The following PARP3 variants were observed in gnomAD, a reference collection of about 807,000 sequenced individuals.
PARP3 encodes poly(ADP-ribose) polymerase family member 3, also known as protein mono-ADP-ribosyltransferase PARP3.
Under a neutral mutation model 58.2 loss-of-function variants are expected in PARP3, and 46 were observed. The observed-to-expected ratio is 0.79, with a 90% CI of 0.62 to 1.01. The LOEUF (loss-of-function observed/expected upper bound fraction) is 1.01. Among genes scored for constraint, PARP3 ranks in the 50% least tolerant of loss-of-function variants. The pLI is 0.00. For synonymous variants in PARP3, 252 were observed against 266.4 expected (o/e 0.95, Z 0.53); for missense variants, 663 against 683.9 (o/e 0.97, Z 0.34).
rs770580933 is a variant in PARP3, at chr3:51,945,159, G to A, written c.796G>A (p.Gly266Ser). The A allele has an allele frequency of 2.0e-5, 32 of 1,613,902 alleles. No individual in the cohort carries two copies. The highest frequency in any genetic ancestry group is 9.9e-5 in the South Asian group (9 of 91,092). Residue 266 changes from glycine (G) to serine (S), a missense_variant, in exon 6 of 11, where the codon GGC (glycine) becomes AGC (serine). This residue lies in a region of PARP3 where 567 missense variants were observed against 553.6 expected (regional missense o/e 1.02). Transcript: ENST00000398755. ...HFYTVIPHNF[G>S]HSQPPPINSP... ...TTACACCGTCATCCCGCACAACTTC[G>A]GCCACAGCCAGCCCCCGCCCATCAA...
Position 51,944,205 on chromosome 3 carries a change from C to G in PARP3, c.300C>G (p.Arg100=), listed in dbSNP as rs1699615106. 6.2e-7 allele frequency: 1 copy of G among 1,614,082 alleles called. No homozygotes were observed. Among genetic ancestry groups the G allele is most frequent in the Non-Finnish European group, 8.5e-7 (1 of 1,180,022 alleles). The change falls in exon 3 of 11, where the codon CGC becomes CGG. Residue 100 remains arginine (R), a synonymous_variant. Transcript: ENST00000398755. The surrounding 1 kb of genome is among the most constrained non-coding windows in gnomAD (Gnocchi z 4.2). ...DSNRFFTCWN[R]WGRVGEVGQS... is the part of the protein sequence containing the mutation. ...ACCGCTTCTTCACCTGCTGGAACCG[C>G]TGGGGCCGTGTGGTGAGTGCCCTGC...
chr3:51,943,032 C>T, intron 1 of PARP3: 1 of 1,399,600 alleles, frequency 7.1e-7, no homozygotes, highest in Non-Finnish European at 9.3e-7. Context: ...TTTCCCTACC[C>T]CTCAGGACAC....
intron 7 of PARP3, 56 bp from the exon 8 acceptor site, chr3:51,945,797 G>T: frequency 1.3e-6 from 2 of 1,548,850 alleles, no homozygotes; most frequent in Non-Finnish European, 1.8e-6. Context: ...GAAGAAAAAT[G>T]GGGGATTAGC....
chr3:51,942,755 G>T lies in PARP3; in HGVS notation c.-3+47G>T, dbSNP rs1391228055. Reference sequence around the variant, plus strand: ...CCACGGCAGGGCAGGGCAAGGCCTGGTGGGACTGGCCTTTGCCCTCTATCA... The same window carrying T: ...CCACGGCAGGGCAGGGCAAGGCCTGTTGGGACTGGCCTTTGCCCTCTATCA... On this transcript the variant is annotated intron_variant, in intron 1 of 10. Coordinates refer to ENST00000398755, the MANE Select transcript of PARP3 (RefSeq NM_001003931.4). 6 of 1,550,876 alleles carry T rather than the reference G, an allele frequency of 3.9e-6. No homozygotes were observed. The African/African-American group carries it at 6.8e-5, about 18-fold the overall frequency.
At position 51,948,847 on chromosome 3, in the gene PARP3, C is replaced by A; in HGVS notation, c.*367C>A. The A allele has an allele frequency of 3.6e-6, 1 of 280,404 alleles. No individual in the cohort carries two copies. The highest frequency in any genetic ancestry group is 6.7e-6 in the Non-Finnish European group (1 of 148,568). 17.4% of individuals were successfully genotyped at this position (280,404 alleles called of 1,614,324 possible). A position where few individuals can be genotyped will look rare whatever the true frequency, so the allele number is the denominator to read the frequency against. On this transcript the variant is annotated 3_prime_UTR_variant, in exon 11 of 11. Coordinates refer to ENST00000398755, the MANE Select transcript of PARP3 (RefSeq NM_001003931.4). ...GGTTCACCCATGTTTTCATAAATGA[C>A]AAGATTTCCTCCTTTTTTAAGGCTG... is the stretch of plus-strand genomic sequence containing the variant.
intron 10 of PARP3, among the ~76,000 whole-genome samples, 175 bp from the exon 11 acceptor site, chr3:51,948,136 C>T (rs369179986): frequency 3.3e-5 from 5 of 152,178 alleles, no homozygotes; most frequent in South Asian, 2.1e-4. Context: ...AGAGAGAAGT[C>T]GGGGAGGACA....
In PARP3 at chr3:51,947,750, G is replaced by A. The variant is rs368727238; in HGVS notation, c.1287G>A (p.Met429Ile). The stretch of plus-strand genomic sequence containing the variant: ...CCCTGTGTCTTGCAGTTATTGGCAT[G>A]AAGTGTGGGGCCCACCATGTCGGCT... The part of the protein sequence containing the change: ...NSKSAGYVIG[M>I]KCGAHHVGYM... Residue 429 changes from methionine (M) to isoleucine (I), a missense_variant, in exon 10 of 11, where the codon ATG becomes ATA. Coordinates refer to ENST00000398755, the MANE Select transcript of PARP3 (RefSeq NM_001003931.4). 7 of 1,614,040 alleles carry A rather than the reference G, an allele frequency of 4.3e-6. No homozygotes were observed. The African/African-American group carries it at 9.3e-5, about 22-fold the overall frequency.
In PARP3 at chr3:51,945,909, A is replaced by G; in HGVS notation, c.1068A>G (p.Gln356=). The change falls in exon 8 of 11, where the codon CAA becomes CAG. Residue 356 remains glutamine (Q), a synonymous_variant. Transcript: ENST00000398755. ...GCAACCACAGGTGCCCTACACTTCAACACATCTGGAAAGTAAACCAAGAAG... is the reference window on the plus strand; with the variant it reads ...GCAACCACAGGTGCCCTACACTTCAGCACATCTGGAAAGTAAACCAAGAAG... ...TGSNHRCPTL[Q]HIWKVNQEGE... The G allele has an allele frequency of 6.2e-7, 1 of 1,614,142 alleles. No individual in the cohort carries two copies.
Position 51,943,429 on chromosome 3 carries a change from A to T in PARP3, c.74A>T (p.Glu25Val). The T allele has an allele frequency of 6.2e-7, 1 of 1,607,044 alleles. No individual in the cohort carries two copies. Among genetic ancestry groups the T allele is most frequent in the Non-Finnish European group, 8.5e-7 (1 of 1,177,296 alleles). ...EKKKGRQAGREEDPFRSTAEA... is the reference protein window; with the variant it reads ...EKKKGRQAGRVEDPFRSTAEA... Reference sequence around the variant, plus strand: ...AAGAAGGGCCGGCAGGCAGGAAGGGAGGAGGACCCCTTCCGCTCCACCGCT... The same window carrying T: ...AAGAAGGGCCGGCAGGCAGGAAGGGTGGAGGACCCCTTCCGCTCCACCGCT... The change falls in exon 2 of 11, where the codon GAG becomes GTG. Residue 25 changes from glutamate (E) to valine (V), a missense_variant. Glu to Val is a moderately radical substitution (Grantham distance 121). Transcript: ENST00000398755.
Position 51,943,379 on chromosome 3 carries a change from G to C in PARP3, c.24G>C (p.Trp8Cys), listed in dbSNP as rs2106687460. Reference sequence around the variant, plus strand: ...CCATGGCTCCAAAGCCGAAGCCCTGGGTACAGACTGAGGGCCCTGAGAAGA... The same window carrying C: ...CCATGGCTCCAAAGCCGAAGCCCTGCGTACAGACTGAGGGCCCTGAGAAGA... MAPKPKPWVQTEGPEKKK... is the reference protein window; with the variant it reads MAPKPKPCVQTEGPEKKK... Residue 8 changes from tryptophan to cysteine, a missense_variant, in exon 2 of 11, where the codon TGG becomes TGC. Transcript: ENST00000398755. 1 of 1,594,534 alleles carries C rather than the reference G, an allele frequency of 6.3e-7. No homozygotes were observed. Among genetic ancestry groups the C allele is most frequent in the East Asian group, 2.3e-5 (1 of 44,152 alleles).
Position 51,947,871 on chromosome 3 carries a change from A to G in PARP3, c.1408A>G (p.Ile470Val). 6.2e-7 allele frequency: 1 copy of G among 1,614,036 alleles called. No individual in the cohort carries two copies. The highest frequency in any genetic ancestry group is 1.1e-5 in the South Asian group (1 of 91,084). The part of the protein sequence containing the change: ...KSPPPGFDSV[I>V]ARGHTEPDPT... Reference sequence around the variant, plus strand: ...CCCACCTCCTGGCTTCGACAGTGTCATTGCCCGAGGCCACACCGAGCCTGG... The same window carrying G: ...CCCACCTCCTGGCTTCGACAGTGTCGTTGCCCGAGGCCACACCGAGCCTGG... Residue 470 changes from isoleucine (I) to valine (V), a missense_variant, in exon 10 of 11, where the codon ATT (isoleucine) becomes GTT (valine). Transcript: ENST00000398755.
In PARP3 at chr3:51,944,536, C is replaced by T. The variant is rs142065339; in HGVS notation, c.459C>T (p.Ile153=). 7.6e-3 allele frequency: 12,297 copies of T among 1,614,166 alleles called. 64 individuals are homozygous for T. Among genetic ancestry groups the T allele is most frequent in the Non-Finnish European group, 9.3e-3 (10,939 of 1,180,006 alleles). Reference sequence around the variant, plus strand: ...CTCACCCGGGCAAGTACACACTTATCGAAGTACAGGCAGAGGATGAGGCCC... The same window carrying T: ...CTCACCCGGGCAAGTACACACTTATTGAAGTACAGGCAGAGGATGAGGCCC... ...FVSHPGKYTL[I]EVQAEDEAQE... Residue 153 remains isoleucine, a synonymous_variant, in exon 4 of 11, where the codon ATC becomes ATT. Transcript: ENST00000398755. This position sits in a 1 kb window ranked among gnomAD's most constrained non-coding sequence, Gnocchi z 4.2.
intron 9 of PARP3, 30 bp from the exon 10 acceptor site, chr3:51,947,710 T>C: frequency 6.2e-7 from 1 of 1,612,598 alleles, no homozygotes; most frequent in Non-Finnish European, 8.5e-7. Flanking sequence ...CAGGCTGAGC[T>C]GCCCACCGGT....
In PARP3 at chr3:51,944,324, C is replaced by T. The variant is rs1169960693; in HGVS notation, c.313-66C>T. On this transcript the variant is annotated intron_variant, in intron 3 of 10. Transcript: ENST00000398755. The surrounding 1 kb of genome is among the most constrained non-coding windows in gnomAD (Gnocchi z 4.2). ...CTGTCCCAGGGCACTCAGCACAGGG[C>T]CTGGCCCGACACACAGGCCAGCAAA... 1.2e-6 allele frequency: 2 copies of T among 1,604,300 alleles called. No individual in the cohort carries two copies. Among genetic ancestry groups the T allele is most frequent in the Non-Finnish European group, 1.7e-6 (2 of 1,173,482 alleles).
In PARP3 at chr3:51,948,454, C is replaced by T. The variant is rs201923901; in HGVS notation, c.1576C>T (p.Arg526Cys). The T allele has an allele frequency of 2.2e-5, 36 of 1,613,954 alleles. No individual in the cohort carries two copies. Among genetic ancestry groups the T allele is most frequent in the South Asian group, 5.5e-5 (5 of 91,092 alleles). The change falls in exon 11 of 11, where the codon CGC (arginine) becomes TGC (cysteine). Residue 526 changes from arginine to cysteine, a missense_variant. Coordinates refer to ENST00000398755, the MANE Select transcript of PARP3 (RefSeq NM_001003931.4). Reference sequence around the variant, plus strand: ...CTACCAGGAGAGCCAGTGTCGCCTGCGCTACCTGCTGGAGGTCCACCTCTG... The same window carrying T: ...CTACCAGGAGAGCCAGTGTCGCCTGTGCTACCTGCTGGAGGTCCACCTCTG... ...LIYQESQCRL[R>C]YLLEVHL
chr3:51,944,492 G>C lies in PARP3; in HGVS notation c.415G>C (p.Glu139Gln). 1 of 1,614,240 alleles carries C rather than the reference G, an allele frequency of 6.2e-7. No individual in the cohort carries two copies. Among genetic ancestry groups the C allele is most frequent in the Non-Finnish European group, 8.5e-7 (1 of 1,180,052 alleles). ...GGAAAAGACCAAGAACAACTGGGCA[G>C]AGCGGGACCACTTTGTGTCTCACCC... is the stretch of plus-strand genomic sequence containing the variant. ...FREKTKNNWAERDHFVSHPGK... is the reference protein window; with the variant it reads ...FREKTKNNWAQRDHFVSHPGK... The change falls in exon 4 of 11, where the codon GAG becomes CAG. Residue 139 changes from glutamate (E) to glutamine (Q), a missense_variant. By Grantham distance (29) the Glu-to-Gln change is conservative. Coordinates refer to ENST00000398755, the MANE Select transcript of PARP3 (RefSeq NM_001003931.4). This position sits in a 1 kb window ranked among gnomAD's most constrained non-coding sequence, Gnocchi z 4.2.
Position 51,944,884 on chromosome 3 carries a change from A to G in PARP3, c.608A>G (p.Lys203Arg). ...ITNIFSKEMF[K>R]NTMALMDLDV... ...AACATCTTCAGCAAGGAGATGTTCAAGAACACCATGGCCCTCATGGACCTG... is the reference window on the plus strand; with the variant it reads ...AACATCTTCAGCAAGGAGATGTTCAGGAACACCATGGCCCTCATGGACCTG... Residue 203 changes from lysine (K) to arginine (R), a missense_variant, in exon 5 of 11, where the codon AAG (lysine) becomes AGG (arginine). This residue lies in a region of PARP3 where 567 missense variants were observed against 553.6 expected (regional missense o/e 1.02). Transcript: ENST00000398755. The surrounding 1 kb of genome is among the most constrained non-coding windows in gnomAD (Gnocchi z 4.2). The G allele has an allele frequency of 6.2e-7, 1 of 1,613,990 alleles. No individual in the cohort carries two copies. The highest frequency in any genetic ancestry group is 8.5e-7 in the Non-Finnish European group (1 of 1,180,026).
chr3:51,947,963 AG>A, intron 10 of PARP3, 68 bp downstream of exon 10: 1 of 1,426,900 alleles, frequency 7.0e-7, no homozygotes, highest in Non-Finnish European at 9.7e-7. Context: ...GGACATTTTC[AG>A]GGAGGGGGCT....
intron 7 of PARP3, 87 bp downstream of exon 7, chr3:51,945,731 G>A (rs907501240): frequency 5.0e-5 from 77 of 1,539,016 alleles, no homozygotes; most frequent in Non-Finnish European, 6.5e-5. Context: ...AGGAATACTC[G>A]CCCTCAGCCT....
Sources: gnomAD v4.1 joint callset for allele counts (sites outside exome capture counted in the v4.1 genomes callset) on GRCh38, gnomAD v4.1.1 for gene constraint, gnomAD v4.1.1 regional missense constraint, Gnocchi (gnomAD v3.1) non-coding constraint, MANE v1.5 for transcripts, NCBI Gene and HGNC (gene_info 2026-07-23, HGNC 2026-07-21) for gene names.